The following NEO1 variants were observed in gnomAD, a reference collection of about 807,000 sequenced individuals.
NEO1 encodes the protein neogenin 1, also known as neogenin.
In NEO1, 63 loss-of-function variants were observed where a neutral mutation model predicts 159.7. That is an observed-to-expected ratio of 0.39 (90% CI 0.32 to 0.49). The LOEUF is 0.49. Among genes scored for constraint, NEO1 ranks in the 20% least tolerant of loss-of-function variants. The probability of loss-of-function intolerance (pLI) is 0.85; values close to 1 mark genes in which losing one functional copy is unlikely to be tolerated. For missense variants in NEO1, 1,615 were observed against 1,831.0 expected (o/e 0.88, Z 2.15); for synonymous variants, 633 against 662.0 (o/e 0.96, Z 0.67).
chr15:73,288,468 C>G lies in NEO1; in HGVS notation c.3566C>G (p.Pro1189Arg). The G allele has an allele frequency of 6.2e-7, 1 of 1,614,170 alleles. No homozygotes were observed. The highest frequency in any genetic ancestry group is 8.5e-7 in the Non-Finnish European group (1 of 1,180,016). ...CCAAACCCCATCATGACTGATACTC[C>G]AATTCCTCGCAACTCTCAAGATATC... ...PDPNPIMTDT[P>R]IPRNSQDITP... is the part of the protein sequence containing the mutation. The change falls in exon 24 of 29, where the codon CCA becomes CGA. Residue 1189 changes from proline (P) to arginine (R), a missense_variant. Coordinates refer to ENST00000261908, the MANE Select transcript of NEO1 (RefSeq NM_002499.4).
Position 73,239,273 on chromosome 15 carries a change from G to A in NEO1, c.1451+2767G>A, listed in dbSNP as rs2039367907. Among the ~76,000 whole-genome samples, 4 of 152,232 alleles carry A rather than the reference G, an allele frequency of 2.6e-5. No homozygotes were observed. In the South Asian group the frequency reaches 8.3e-4, roughly 32 times the overall value. ...TGGCAGTATAAATTAGAATAGTCTA[G>A]GGAAGGTGATTTGGCAGAATTTTAA... On this transcript the variant is annotated intron_variant, in intron 8 of 28. Transcript: ENST00000261908.
Position 73,101,620 on chromosome 15 carries a change from C to T in NEO1, c.131-14920C>T, listed in dbSNP as rs1477777430. ...GCTGTAAAATGGTATCATTTTAGGG[C>T]TTACTTTGTTTACCTCTCTCTCAAG... On this transcript the variant is annotated intron_variant, in intron 1 of 28. Coordinates refer to ENST00000261908, the MANE Select transcript of NEO1 (RefSeq NM_002499.4). Among the ~76,000 whole-genome samples, 3 of 152,196 alleles carry T rather than the reference C, an allele frequency of 2.0e-5. No homozygotes were observed. In the South Asian group the frequency reaches 6.2e-4, roughly 31 times the overall value.
chr15:73,112,977 A>T (rs2071086532), intron 1 of NEO1, among the ~76,000 whole-genome samples: 2 of 152,044 alleles, frequency 1.3e-5, no homozygotes, highest in African/African-American at 4.8e-5. Context: ...CCTTTTCCTC[A>T]ATCGATTTAA....
chr15:73,141,381 T>C (rs1359187689), intron 5 of NEO1, among the ~76,000 whole-genome samples: 1 of 152,246 alleles, frequency 6.6e-6, no homozygotes, highest in Non-Finnish European at 1.5e-5. Flanking sequence ...CTGGAGTTTC[T>C]ACACATGCAG....
chr15:73,106,630 T>G (rs1207405706), intron 1 of NEO1, among the ~76,000 whole-genome samples: 1 of 152,164 alleles, frequency 6.6e-6, no homozygotes, highest in Non-Finnish European at 1.5e-5. Context: ...GTTACAATCT[T>G]GGGCACAAAG....
intron 1 of NEO1, among the ~76,000 whole-genome samples, chr15:73,071,394 A>T (rs1490693999): frequency 6.6e-6 from 1 of 152,240 alleles, no homozygotes. Flanking sequence ...CTAAGTGCTG[A>T]TTGAAAAGAA....
At chr15:73,221,810 C>T in intron 7 of NEO1, 1 of 154,244 alleles carries the variant, frequency 6.5e-6, no homozygotes, top group Non-Finnish European at 1.4e-5. Context: ...GGGAGTGACC[C>T]AATTTTCCAG....
intron 7 of NEO1, among the ~76,000 whole-genome samples, chr15:73,229,225 G>A (rs12907139): frequency 0.44 from 66,147 of 151,700 alleles, 15,542 homozygotes; most frequent in Admixed American, 0.53. Context: ...CTTTGTACCA[G>A]TCTTACACTT....
intron 23 of NEO1, among the ~76,000 whole-genome samples, chr15:73,284,095 C>G (rs1280869579): frequency 6.6e-6 from 1 of 151,912 alleles, no homozygotes; most frequent in Non-Finnish European, 1.5e-5. Context: ...CCATACAGTC[C>G]TACACTTGAA....
Position 73,298,198 on chromosome 15 carries a change from G to A in NEO1, c.3902-150G>A, listed in dbSNP as rs1169459458. ...GTTCGAGACTCCATTCTTATCCCTG[G>A]CAGTGGTGCTAATCCATGTTCTCTT... On this transcript the variant is annotated intron_variant, in intron 26 of 28. Transcript: ENST00000261908. 7 of 881,114 alleles carry A rather than the reference G, an allele frequency of 7.9e-6. No homozygotes were observed. In the East Asian group the frequency reaches 1.1e-4, roughly 13 times the overall value. 54.6% of individuals were successfully genotyped at this position (881,114 alleles called of 1,614,324 possible).
rs35614949 is a variant in NEO1 at position 73,081,867 on chromosome 15, AT to A, written c.130+29079del. Among the ~76,000 whole-genome samples the A allele has an allele frequency of 6.6e-3, 874 of 131,650 alleles. 3 individuals are homozygous for A. Among genetic ancestry groups the A allele is most frequent in the African/African-American group, 0.017 (607 of 35,204 alleles). 86.4% of individuals were successfully genotyped at this position (131,650 alleles called of 152,430 possible). ...CCACCACACCCAGCCAAATACTAGT[AT>A]TTTTTTTTTTTTTTTTGAGATGGAG... On this transcript the variant is annotated intron_variant, in intron 1 of 28. Coordinates refer to ENST00000261908, the MANE Select transcript of NEO1 (RefSeq NM_002499.4).
At chr15:73,168,749 C>T (rs1247968201) in intron 5 of NEO1, among the ~76,000 whole-genome samples, 1 of 152,126 alleles carries the variant, frequency 6.6e-6, no homozygotes, top group Non-Finnish European at 1.5e-5. Context: ...CAAGAAATGT[C>T]AGAGGATTCA....
At chr15:73,102,809 A>G (rs1487057659) in intron 1 of NEO1, among the ~76,000 whole-genome samples, 2 of 152,122 alleles carry the variant, frequency 1.3e-5, no homozygotes, top group East Asian at 1.9e-4. Context: ...TTCAACATGT[A>G]TTCTTCATTC....
At chr15:73,126,307 C>A in intron 3 of NEO1, 110 bp from the exon 4 acceptor site, 5 of 927,242 alleles carry the variant, frequency 5.4e-6, no homozygotes, top group Non-Finnish European at 8.0e-6. Flanking sequence ...TGGGCTCAAG[C>A]AGTCCTCCCT....
chr15:73,167,142 G>T (rs1330434992), intron 5 of NEO1, among the ~76,000 whole-genome samples: 4 of 126,052 alleles, frequency 3.2e-5, no homozygotes, highest in Non-Finnish European at 6.6e-5. Flanking sequence ...GGGGGAGGGG[G>T]GAGGGATAGC....
At chr15:73,159,077 A>G (rs529067055) in intron 5 of NEO1, among the ~76,000 whole-genome samples, 54 of 152,326 alleles carry the variant, frequency 3.5e-4, no homozygotes, top group African/African-American at 1.0e-3. Flanking sequence ...TGCCTGGGCA[A>G]CTATAGCAAG....
At chr15:73,222,936 C>T (rs943037276) in intron 7 of NEO1, among the ~76,000 whole-genome samples, 2 of 152,178 alleles carry the variant, frequency 1.3e-5, no homozygotes, top group Admixed American at 6.5e-5. Flanking sequence ...TTCCTTTTAG[C>T]ACTCCCTTTG....
In NEO1 at chr15:73,258,961, G is replaced by C; in HGVS notation, c.2203+85G>C. Reference sequence around the variant, plus strand: ...CAAACTGGAAAGCCACAGACTTGGGGTGGATATGGCTCAAGTCTGTGAACT... The same window carrying C: ...CAAACTGGAAAGCCACAGACTTGGGCTGGATATGGCTCAAGTCTGTGAACT... On this transcript the variant is annotated intron_variant, in intron 14 of 28. Coordinates refer to ENST00000261908, the MANE Select transcript of NEO1 (RefSeq NM_002499.4). The C allele has an allele frequency of 3.5e-6, 4 of 1,147,538 alleles. No individual in the cohort carries two copies. In the South Asian group the frequency reaches 5.1e-5, roughly 15 times the overall value. The allele number at this position is 1,147,538 out of a possible 1,614,324, so 71.1% of individuals were successfully genotyped here.
At chr15:73,171,893 G>A (rs765537680) in intron 5 of NEO1, among the ~76,000 whole-genome samples, 2 of 151,834 alleles carry the variant, frequency 1.3e-5, no homozygotes, top group African/African-American at 2.4e-5. Context: ...CACCTGCCTC[G>A]GCCCCACTAA....
Sources: gnomAD v4.1 joint callset for allele counts (sites outside exome capture counted in the v4.1 genomes callset) on GRCh38, gnomAD v4.1.1 for gene constraint, MANE v1.5 for transcripts, NCBI Gene and HGNC (gene_info 2026-07-23, HGNC 2026-07-21) for gene names.